BARD1: variants seen among roughly 807,000 people sequenced by gnomAD.
The protein encoded by BARD1 is BRCA1-associated RING domain protein 1.
BARD1 carries 73 observed loss-of-function variants against 77.0 expected under a neutral mutation model. The ratio of observed to expected loss-of-function variants is 0.95; its 90% CI spans 0.79 to 1.15. The LOEUF is 1.15. BARD1 is among the 50% of genes most tolerant of loss of function. BARD1 has a pLI of 0.00. For missense variants in BARD1, 993 were observed against 938.8 expected (o/e 1.06, Z -0.75); for synonymous variants, 384 against 338.0 (o/e 1.14, Z -1.49).
At chr2:214,796,752 A>G (rs1419404879) in intron 2 of BARD1, 2 of 329,268 alleles carry the variant, frequency 6.1e-6, no homozygotes, top group African/African-American at 4.3e-5. Flanking sequence ...CTAGATTCAA[A>G]ATTTAACTGG....
Position 214,785,836 on chromosome 2 carries a change from A to C in BARD1, c.365-4327T>G, listed in dbSNP as rs995018241. On this transcript the variant is annotated intron_variant, in intron 3 of 10. Coordinates refer to ENST00000260947, the MANE Select transcript of BARD1 (RefSeq NM_000465.4). ...AACAAATGATTTCATGCTGCCTGAC[A>C]AACATTCTCCTAATTAACACAGACA... Among the ~76,000 whole-genome samples the C allele has an allele frequency of 5.3e-5, 8 of 152,034 alleles. 1 individual carries two copies. The highest frequency in any genetic ancestry group is 1.9e-4 in the African/African-American group (8 of 41,372).
At chr2:214,801,853 G>GT (rs976520220) in intron 1 of BARD1, among the ~76,000 whole-genome samples, 4 of 149,330 alleles carry the variant, frequency 2.7e-5, no homozygotes, top group East Asian at 2.0e-4. Context: ...ATTTGGCGGG[G>GT]GGGGGGGTTG....
chr2:214,783,271 T>C (rs961457251), intron 3 of BARD1, among the ~76,000 whole-genome samples: 3 of 152,080 alleles, frequency 2.0e-5, no homozygotes, highest in Non-Finnish European at 4.4e-5. Context: ...GCAACTGTAG[T>C]AAGTTTAAGG....
intron 6 of BARD1, among the ~76,000 whole-genome samples, chr2:214,765,541 T>C (rs765519137): frequency 2.0e-5 from 3 of 152,162 alleles, no homozygotes; most frequent in Non-Finnish European, 4.4e-5. Flanking sequence ...AAAAGCTAGA[T>C]TCCCTAACGC....
In BARD1 at chr2:214,771,993, A is replaced by G. The variant is rs187009508; in HGVS notation, c.1315-2681T>C. ...CAGTGCAAATTCTACTTCTAGAGCA[A>G]GTTATCATGTATTTAGCAACTGGAG... On this transcript the variant is annotated intron_variant, in intron 4 of 10. Transcript: ENST00000260947. 1.4e-3 allele frequency among the ~76,000 whole-genome samples: 208 copies of G among 151,296 alleles called. 1 individual carries two copies. Among genetic ancestry groups the G allele is most frequent in the Non-Finnish European group, 2.4e-3 (160 of 67,936 alleles).
intron 6 of BARD1, among the ~76,000 whole-genome samples, chr2:214,760,706 A>T (rs529555506): frequency 6.6e-6 from 1 of 152,312 alleles, no homozygotes; most frequent in East Asian, 1.9e-4. Context: ...AAAGTTATAA[A>T]GTTAATCAAA....
intron 6 of BARD1, among the ~76,000 whole-genome samples, chr2:214,761,019 C>A (rs1693937442): frequency 6.6e-6 from 1 of 151,330 alleles, no homozygotes; most frequent in African/African-American, 2.4e-5. Context: ...CGGGATCCAC[C>A]CGCCTTGGCT....
chr2:214,804,958 C>T (rs544113990), intron 1 of BARD1, among the ~76,000 whole-genome samples: 3 of 152,220 alleles, frequency 2.0e-5, no homozygotes, highest in Non-Finnish European at 4.4e-5. Context: ...GTCAGGAGTT[C>T]GAGACCAGCC....
intron 4 of BARD1, among the ~76,000 whole-genome samples, chr2:214,772,267 A>G (rs528431490): frequency 1.3e-5 from 2 of 152,282 alleles, no homozygotes; most frequent in East Asian, 1.9e-4. Context: ...CTTTATATTC[A>G]TAACGGTTAC....
intron 3 of BARD1, 117 bp downstream of exon 3, chr2:214,792,174 AGATTTT>A: frequency 1.1e-6 from 1 of 932,888 alleles, no homozygotes; most frequent in Non-Finnish European, 1.5e-6. Context: ...AAAAACCTAC[AGATTTT>A]AAAATCTGAA....
chr2:214,726,037 C>CA lies in BARD1; in HGVS notation c.*2638dup, dbSNP rs34062442. 0.29 allele frequency: 51,335 copies of CA among 179,458 alleles called. 5,544 individuals are homozygous for CA. Among genetic ancestry groups the CA allele is most frequent in the African/African-American group, 0.37 (13,985 of 37,946 alleles). The allele number at this position is 179,458 out of a possible 1,614,324, so 11.1% of individuals were successfully genotyped here. The stretch of plus-strand genomic sequence containing the variant: ...AACTATTAAATTTACAAGGCAGGTG[C>CA]AAAAAAAAAAAAAGGTGGGGGGACC... On this transcript the variant is annotated 3_prime_UTR_variant, in exon 11 of 11. Coordinates refer to ENST00000260947, the MANE Select transcript of BARD1 (RefSeq NM_000465.4).
intron 9 of BARD1, among the ~76,000 whole-genome samples, chr2:214,733,625 A>T (rs77147723): frequency 0.066 from 10,106 of 152,220 alleles, 475 homozygotes; most frequent in African/African-American, 0.13. Context: ...ACTTTATTTC[A>T]ATAATCTAAT....
At chr2:214,784,736 T>G (rs1364438013) in intron 3 of BARD1, among the ~76,000 whole-genome samples, 1 of 152,124 alleles carries the variant, frequency 6.6e-6, no homozygotes. Flanking sequence ...GGGACATGGA[T>G]GAAGCTGGAA....
intron 1 of BARD1, among the ~76,000 whole-genome samples, chr2:214,798,841 G>A (rs1417000412): frequency 2.6e-5 from 4 of 151,728 alleles, no homozygotes; most frequent in African/African-American, 4.8e-5. Context: ...GGTAGCAACC[G>A]GGTACTGAGG....
intron 3 of BARD1, among the ~76,000 whole-genome samples, chr2:214,788,345 T>C (rs1009780058): frequency 6.6e-6 from 1 of 152,058 alleles, no homozygotes; most frequent in African/African-American, 2.4e-5. Context: ...AAGGTAAAAT[T>C]ATCCATAAAT....
At chr2:214,730,578 A>T (rs1420337863) in intron 9 of BARD1, 70 bp from the exon 10 acceptor site, 23 of 1,287,234 alleles carry the variant, frequency 1.8e-5, no homozygotes, top group Non-Finnish European at 2.5e-5. Context: ...ATTAAAATCA[A>T]GCAATTTACC....
In BARD1 at chr2:214,777,469, G is replaced by A. The variant is rs997047439; in HGVS notation, c.1314+3091C>T. Among the ~76,000 whole-genome samples, 5 of 152,286 alleles carry A rather than the reference G, an allele frequency of 3.3e-5. No homozygotes were observed. In the East Asian group the frequency reaches 5.8e-4, roughly 18 times the overall value. ...GGTGCATACACCAAGGATGCTCAGC[G>A]CAAACATGTGCTCAAACTATAGAAA... On this transcript the variant is annotated intron_variant, in intron 4 of 10. Transcript: ENST00000260947.
intron 9 of BARD1, among the ~76,000 whole-genome samples, chr2:214,744,106 A>G (rs752775347): frequency 3.3e-5 from 5 of 152,210 alleles, no homozygotes; most frequent in African/African-American, 4.8e-5. Context: ...AGTAGAAAAT[A>G]ATCGTGTATG....
At chr2:214,771,940 A>T (rs1004564607) in intron 4 of BARD1, among the ~76,000 whole-genome samples, 11 of 150,754 alleles carry the variant, frequency 7.3e-5, no homozygotes, top group Non-Finnish European at 1.2e-4. Flanking sequence ...AAAAAAAAAA[A>T]AAAGCAACAT....
Sources: gnomAD v4.1 joint callset for allele counts (sites outside exome capture counted in the v4.1 genomes callset) on GRCh38, gnomAD v4.1.1 for gene constraint, MANE v1.5 for transcripts, NCBI Gene and HGNC (gene_info 2026-07-23, HGNC 2026-07-21) for gene names.